Variants in NLRP3 observed in about 807,000 individuals in gnomAD.
NLRP3 encodes NACHT, LRR and PYD domains-containing protein 3.
In NLRP3, 48 loss-of-function variants were observed where a neutral mutation model predicts 91.3. That is an observed-to-expected ratio of 0.53 (90% CI 0.42 to 0.67). The LOEUF is 0.67. NLRP3 is among the 30% of genes least tolerant of loss of function. The probability of loss-of-function intolerance (pLI) is 0.00; values close to 1 mark genes in which losing one functional copy is unlikely to be tolerated. For missense variants in NLRP3, 982 were observed against 1,276.9 expected (o/e 0.77, Z 3.52); for synonymous variants, 561 against 507.9 (o/e 1.10, Z -1.41).
intron 9 of NLRP3, among the ~76,000 whole-genome samples, chr1:247,446,065 C>T (rs995927260): frequency 1.4e-4 from 22 of 152,206 alleles, no homozygotes; most frequent in African/African-American, 4.1e-4. Context: ...CCATTTCAGT[C>T]GATGGTCACT....
intron 7 of NLRP3, among the ~76,000 whole-genome samples, chr1:247,440,659 A>G (rs1192725683): frequency 1.3e-5 from 2 of 152,142 alleles, no homozygotes; most frequent in African/African-American, 4.8e-5. Context: ...TCCTGGGTTC[A>G]TCTACAGCCA....
chr1:247,423,997 A>T lies in NLRP3; in HGVS notation c.548A>T (p.Gln183Leu), dbSNP rs1329505273. The T allele has an allele frequency of 6.2e-7, 1 of 1,614,050 alleles. No homozygotes were observed. Among genetic ancestry groups the T allele is most frequent in the Non-Finnish European group, 8.5e-7 (1 of 1,179,988 alleles). ...KEHRSQQERE[Q>L]ELLAIGKTKT... ...CACCGGAGCCAGCAGGAGAGGGAGC[A>T]GGAGCTTCTGGCCATCGGCAAGACC... The change falls in exon 4 of 10, where the codon CAG (glutamine) becomes CTG (leucine). Residue 183 changes from glutamine to leucine, a missense_variant. Coordinates refer to ENST00000336119, the MANE Select transcript of NLRP3 (RefSeq NM_001243133.2).
At chr1:247,423,154 A>G in intron 2 of NLRP3, 76 bp from the exon 3 acceptor site, 3 of 1,601,214 alleles carry the variant, frequency 1.9e-6, no homozygotes, top group Non-Finnish European at 2.6e-6. Context: ...CTCTCATGCC[A>G]AATATTAGGC....
intron 6 of NLRP3, among the ~76,000 whole-genome samples, chr1:247,435,340 G>A (rs932806570): frequency 6.6e-6 from 1 of 152,120 alleles, no homozygotes; most frequent in African/African-American, 2.4e-5. Flanking sequence ...ATAACCAAAC[G>A]TCCTTCAACG....
chr1:247,444,534 G>A, intron 8 of NLRP3, 117 bp from the exon 9 acceptor site: 1 of 1,087,554 alleles, frequency 9.2e-7, no homozygotes, highest in Non-Finnish European at 1.4e-6. Context: ...AGTTAGTCCT[G>A]TGCTCCTGTG....
At position 247,424,836 on chromosome 1, in the gene NLRP3, C is replaced by A. The variant is rs766893777; in HGVS notation, c.1387C>A (p.His463Asn). ...GAGCCAGGAGCACGGCCTCTGCGCC[C>A]ACCTCTGGGGGCTCTGCTCTTTGGC... ...GGSQEHGLCA[H>N]LWGLCSLAAD... The change falls in exon 4 of 10, where the codon CAC (histidine) becomes AAC (asparagine). Residue 463 changes from histidine (H) to asparagine (N), a missense_variant. Transcript: ENST00000336119. The surrounding 1 kb of genome is among the most constrained non-coding windows in gnomAD (Gnocchi z 8.1). 7 of 1,608,098 alleles carry A rather than the reference C, an allele frequency of 4.4e-6. No homozygotes were observed. In the East Asian group the frequency reaches 1.6e-4, roughly 36 times the overall value.
chr1:247,422,847 C>T (rs976981906), intron 2 of NLRP3, among the ~76,000 whole-genome samples: 3 of 152,154 alleles, frequency 2.0e-5, no homozygotes, highest in African/African-American at 7.2e-5. Context: ...AGCCCACAGC[C>T]GTGTTGGGGA....
At position 247,419,164 on chromosome 1, in the gene NLRP3, A is replaced by ATATATT. The variant is rs1491303088; in HGVS notation, c.277+88_277+89insATATTT. 1.7e-5 allele frequency: 12 copies of ATATATT among 693,354 alleles called. No individual in the cohort carries two copies. In the Admixed American group the frequency reaches 2.6e-4, roughly 15 times the overall value. The allele number at this position is 693,354 out of a possible 1,614,324, so 43.0% of individuals were successfully genotyped here. A position where few individuals can be genotyped will look rare whatever the true frequency, so the allele number is the denominator to read the frequency against. ...CATCTTTATATATATATATATATAT[A>ATATATT]TTTTTTTTTGAGACGGAGTTGCTCT... On this transcript the variant is annotated intron_variant, in intron 2 of 9. Coordinates refer to ENST00000336119, the MANE Select transcript of NLRP3 (RefSeq NM_001243133.2).
Position 247,424,474 on chromosome 1 carries a change from C to G in NLRP3, c.1025C>G (p.Ala342Gly). Residue 342 changes from alanine to glycine, a missense_variant, in exon 4 of 10, where the codon GCC (alanine) becomes GGC (glycine). By Grantham distance (60) the Ala-to-Gly change is moderately conservative. Around this residue, in one of 5 missense-constraint regions of NLRP3, gnomAD observed 548 missense variants for 713.7 expected, o/e 0.77. Coordinates refer to ENST00000336119, the MANE Select transcript of NLRP3 (RefSeq NM_001243133.2). The surrounding 1 kb of genome is among the most constrained non-coding windows in gnomAD (Gnocchi z 8.1). ...ATCAGAAAGAAGCTGCTTCCCGAGG[C>G]CTCTCTGCTCATCACCACGAGACCT... ...SLIRKKLLPEASLLITTRPVA... is the reference protein window; with the variant it reads ...SLIRKKLLPEGSLLITTRPVA... The G allele has an allele frequency of 3.1e-6, 5 of 1,614,218 alleles. No individual in the cohort carries two copies. Among genetic ancestry groups the G allele is most frequent in the Non-Finnish European group, 4.2e-6 (5 of 1,180,042 alleles).
intron 7 of NLRP3, among the ~76,000 whole-genome samples, chr1:247,441,753 A>T (rs188333578): frequency 2.0e-5 from 3 of 152,194 alleles, no homozygotes; most frequent in African/African-American, 7.2e-5. Flanking sequence ...TTATGTGTTC[A>T]GTGTAACCGT....
In NLRP3 at chr1:247,418,968, G is replaced by A; in HGVS notation, c.168G>A (p.Met56Ile). The part of the protein sequence containing the change: ...KADHVDLATL[M>I]IDFNGEEKAW... ...ACCATGTGGATCTAGCCACGCTAAT[G>A]ATCGACTTCAATGGGGAGGAGAAGG... Residue 56 changes from methionine to isoleucine, a missense_variant, in exon 2 of 10, where the codon ATG (methionine) becomes ATA (isoleucine). Physicochemically the swap from Met to Ile is conservative, Grantham distance 10 (BLOSUM62 1). Coordinates refer to ENST00000336119, the MANE Select transcript of NLRP3 (RefSeq NM_001243133.2). 6.2e-7 allele frequency: 1 copy of A among 1,614,118 alleles called. No homozygotes were observed. The highest frequency in any genetic ancestry group is 1.7e-5 in the Admixed American group (1 of 60,020).
chr1:247,426,602 T>C (rs140940793), intron 4 of NLRP3, among the ~76,000 whole-genome samples: 1 of 152,338 alleles, frequency 6.6e-6, no homozygotes, highest in African/African-American at 2.4e-5. Context: ...ACCACCTTCC[T>C]AGTCATGGTT....
rs201003943 is a variant in NLRP3, at chr1:247,424,985, C to T, written c.1536C>T (p.Cys512=). ...RMNLFQKEVD[C]EKFYSFIHMT... is the part of the protein sequence containing the mutation. Reference sequence around the variant, plus strand: ...ACCTGTTCCAAAAGGAAGTGGACTGCGAGAAGTTCTACAGCTTCATCCACA... The same window carrying T: ...ACCTGTTCCAAAAGGAAGTGGACTGTGAGAAGTTCTACAGCTTCATCCACA... The change falls in exon 4 of 10, where the codon TGC becomes TGT. Residue 512 remains cysteine (C), a synonymous_variant. Coordinates refer to ENST00000336119, the MANE Select transcript of NLRP3 (RefSeq NM_001243133.2). This position sits in a 1 kb window ranked among gnomAD's most constrained non-coding sequence, Gnocchi z 8.1. 35 of 1,613,958 alleles carry T rather than the reference C, an allele frequency of 2.2e-5. 1 individual carries two copies. Among genetic ancestry groups the T allele is most frequent in the African/African-American group, 1.3e-4 (10 of 74,882 alleles).
At chr1:247,435,900 C>CG in intron 6 of NLRP3, 70 bp from the exon 7 acceptor site, 1 of 1,455,402 alleles carries the variant, frequency 6.9e-7, no homozygotes, top group Admixed American at 1.7e-5. Context: ...GTGGCAGGTA[C>CG]GGGTGCTTCC....
At chr1:247,447,668 A>AC (rs397816022) in intron 9 of NLRP3, among the ~76,000 whole-genome samples, 3 of 151,910 alleles carry the variant, frequency 2.0e-5, no homozygotes, top group African/African-American at 7.3e-5. Context: ...AGGTAAAAAA[A>AC]TTTACAAGAC....
Position 247,448,580 on chromosome 1 carries a change from G to A in NLRP3, c.*76G>A, listed in dbSNP as rs1203943200. 3.4e-6 allele frequency: 3 copies of A among 878,190 alleles called. No individual in the cohort carries two copies. The highest frequency in any genetic ancestry group is 5.9e-6 in the Non-Finnish European group (3 of 510,704). 54.4% of individuals were successfully genotyped at this position (878,190 alleles called of 1,614,324 possible). A position where few individuals can be genotyped will look rare whatever the true frequency, so the allele number is the denominator to read the frequency against. ...GGGGCCCTCAGGTGGAGAGAGCTGC[G>A]ATCCATCCAGGCCAAGACCACAGCT... On this transcript the variant is annotated 3_prime_UTR_variant, in exon 10 of 10. Transcript: ENST00000336119.
chr1:247,440,013 ATGTGGCTG>A, intron 7 of NLRP3, among the ~76,000 whole-genome samples: 1 of 152,258 alleles, frequency 6.6e-6, no homozygotes, highest in Non-Finnish European at 1.5e-5. Context: ...ACAGCCATAC[ATGTGGCTG>A]TGTGTTAGGT....
Position 247,424,564 on chromosome 1 carries a change from C to T in NLRP3, c.1115C>T (p.Ser372Phe), listed in dbSNP as rs1475824860. Residue 372 changes from serine (S) to phenylalanine (F), a missense_variant, in exon 4 of 10, where the codon TCC (serine) becomes TTC (phenylalanine). Physicochemically the swap from Ser to Phe is radical, Grantham distance 155. This residue lies in a region of NLRP3 where 548 missense variants were observed against 713.7 expected (regional missense o/e 0.77). Coordinates refer to ENST00000336119, the MANE Select transcript of NLRP3 (RefSeq NM_001243133.2). This position sits in a 1 kb window ranked among gnomAD's most constrained non-coding sequence, Gnocchi z 8.1. ...CGGCATGTGGAGATCCTGGGTTTCT[C>T]CGAGGCCAAAAGGAAAGAGTACTTC... ...HPRHVEILGF[S>F]EAKRKEYFFK... 1.2e-6 allele frequency: 2 copies of T among 1,614,212 alleles called. No homozygotes were observed. Among genetic ancestry groups the T allele is most frequent in the Non-Finnish European group, 1.7e-6 (2 of 1,180,046 alleles).
chr1:247,441,200 C>CG (rs1558207368), intron 7 of NLRP3, among the ~76,000 whole-genome samples: 1 of 108,708 alleles, frequency 9.2e-6, no homozygotes. Context: ...CCCTCCCCCC[C>CG]CCCTTTCCCT....
Sources: gnomAD v4.1 joint callset for allele counts (sites outside exome capture counted in the v4.1 genomes callset) on GRCh38, gnomAD v4.1.1 for gene constraint, gnomAD v4.1.1 regional missense constraint, Gnocchi (gnomAD v3.1) non-coding constraint, MANE v1.5 for transcripts, NCBI Gene and HGNC (gene_info 2026-07-23, HGNC 2026-07-21) for gene names.